The following FHOD3 variants were observed in gnomAD, a reference collection of about 807,000 sequenced individuals.
FHOD3 encodes FH1/FH2 domain-containing protein 3.
FHOD3 carries 90 observed loss-of-function variants against 173.0 expected under a neutral mutation model. That is an observed-to-expected ratio of 0.52 (90% CI 0.44 to 0.62). FHOD3 has a LOEUF of 0.62. Ranked by LOEUF, FHOD3 falls within the 20% of genes least tolerant of loss-of-function variation. The probability of loss-of-function intolerance (pLI) is 0.00; values close to 1 mark genes in which losing one functional copy is unlikely to be tolerated. For synonymous variants in FHOD3, 828 were observed against 823.0 expected, an observed-to-expected ratio of 1.01 and a Z score of -0.10; for missense variants, 1,945 against 2,034.7, an observed-to-expected ratio of 0.96 and a Z score of 0.85.
chr18:36,368,607 T>C (rs1190718786), intron 2 of FHOD3, among the ~76,000 whole-genome samples: 1 of 152,092 alleles, frequency 6.6e-6, no homozygotes, highest in Non-Finnish European at 1.5e-5. Context: ...AATAATGTTA[T>C]CTACCTGTAT....
chr18:36,515,597 C>T (rs1025825260), intron 5 of FHOD3, among the ~76,000 whole-genome samples: 2 of 152,186 alleles, frequency 1.3e-5, no homozygotes, highest in African/African-American at 4.8e-5. Flanking sequence ...TCTCAGAACA[C>T]TCATGACCAG....
chr18:36,472,448 G>A (rs2053336115), intron 3 of FHOD3, among the ~76,000 whole-genome samples: 1 of 152,278 alleles, frequency 6.6e-6, no homozygotes, highest in South Asian at 2.1e-4. Flanking sequence ...TTTAAAGTGT[G>A]CAATTCAGTG....
At chr18:36,676,645 G>C (rs1221950299) in intron 14 of FHOD3, among the ~76,000 whole-genome samples, 1 of 152,174 alleles carries the variant, frequency 6.6e-6, no homozygotes, top group Non-Finnish European at 1.5e-5. Flanking sequence ...TCTAGAAGCA[G>C]TGTATGAGTT....
chr18:36,342,017 A>G (rs1211872049), intron 1 of FHOD3, among the ~76,000 whole-genome samples: 1 of 152,244 alleles, frequency 6.6e-6, no homozygotes, highest in Non-Finnish European at 1.5e-5. Context: ...GAATTTTAAC[A>G]AAACAAAATA....
chr18:36,303,112 T>A (rs1201822890), intron 1 of FHOD3, among the ~76,000 whole-genome samples: 1 of 152,216 alleles, frequency 6.6e-6, no homozygotes, highest in East Asian at 1.9e-4. Context: ...GAGGCTGCAC[T>A]GTAGGTCTCC....
rs944006955 is a variant in FHOD3 at position 36,778,964 on chromosome 18, T to C, written c.4787-484T>C. 5.2e-5 allele frequency: 8 copies of C among 155,034 alleles called. 1 individual carries two copies. The highest frequency in any genetic ancestry group is 1.4e-4 in the African/African-American group (6 of 41,626). 9.6% of individuals were successfully genotyped at this position (155,034 alleles called of 1,614,324 possible). A position where few individuals can be genotyped will look rare whatever the true frequency, so the allele number is the denominator to read the frequency against. On this transcript the variant is annotated intron_variant, in intron 28 of 28. Coordinates refer to ENST00000590592, the MANE Select transcript of FHOD3 (RefSeq NM_001281740.3). ...GTCGTCTGTTGGATTTGTGAGGTTG[T>C]TGGGTCTTGTGGAACCCCTCGCTGT...
intron 27 of FHOD3, 25 bp from the exon 28 acceptor site, chr18:36,769,240 T>G: frequency 6.2e-7 from 1 of 1,612,398 alleles, no homozygotes; most frequent in East Asian, 2.2e-5. Flanking sequence ...GAGTATGTTG[T>G]GCACTCTGGC....
intron 10 of FHOD3, among the ~76,000 whole-genome samples, chr18:36,626,424 T>C (rs2034113309): frequency 1.3e-5 from 2 of 152,156 alleles, no homozygotes; most frequent in African/African-American, 4.8e-5. Flanking sequence ...TGAGATATTA[T>C]ATGTATTTAA....
At chr18:36,692,366 TGTTA>T (rs2039018990) in intron 16 of FHOD3, among the ~76,000 whole-genome samples, 1 of 152,178 alleles carries the variant, frequency 6.6e-6, no homozygotes, top group Non-Finnish European at 1.5e-5. Flanking sequence ...GTAAGAAACC[TGTTA>T]CAGCTGAATG....
At chr18:36,418,100 C>A (rs1394341343) in intron 3 of FHOD3, among the ~76,000 whole-genome samples, 1 of 152,210 alleles carries the variant, frequency 6.6e-6, no homozygotes, top group African/African-American at 2.4e-5. Flanking sequence ...TGACACTTGT[C>A]AGTTCTCACT....
At chr18:36,574,376 A>G (rs1290869530) in intron 5 of FHOD3, among the ~76,000 whole-genome samples, 1 of 152,154 alleles carries the variant, frequency 6.6e-6, no homozygotes, top group Admixed American at 6.5e-5. Context: ...AAAATTTTGC[A>G]TGCTATTATA....
At chr18:36,653,923 A>C (rs1313861887) in intron 13 of FHOD3, among the ~76,000 whole-genome samples, 5 of 152,170 alleles carry the variant, frequency 3.3e-5, no homozygotes, top group Admixed American at 3.3e-4. Context: ...CATTTACTAC[A>C]CTGAGGAAAC....
intron 3 of FHOD3, among the ~76,000 whole-genome samples, chr18:36,465,523 C>T (rs1012921344): frequency 6.6e-6 from 1 of 152,120 alleles, no homozygotes; most frequent in African/African-American, 2.4e-5. Context: ...GCTGCCCACC[C>T]GCCCTTGTGG....
chr18:36,638,816 C>T (rs1243869113), intron 10 of FHOD3, among the ~76,000 whole-genome samples: 1 of 152,194 alleles, frequency 6.6e-6, no homozygotes, highest in East Asian at 1.9e-4. Context: ...CAGTCACCCC[C>T]ATTGCTGGAC....
intron 2 of FHOD3, among the ~76,000 whole-genome samples, chr18:36,357,212 A>G (rs1387836050): frequency 1.3e-5 from 2 of 152,208 alleles, no homozygotes; most frequent in African/African-American, 4.8e-5. Flanking sequence ...GTATGTACTG[A>G]TGGCTTCCTG....
chr18:36,380,419 C>T (rs541276459), intron 3 of FHOD3, among the ~76,000 whole-genome samples: 3 of 151,906 alleles, frequency 2.0e-5, no homozygotes, highest in African/African-American at 7.2e-5. Context: ...CTGGTCAATA[C>T]TTCGGTCATC....
chr18:36,506,835 T>C (rs2055328932), intron 4 of FHOD3, among the ~76,000 whole-genome samples: 1 of 152,208 alleles, frequency 6.6e-6, no homozygotes, highest in Admixed American at 6.5e-5. Context: ...CGCTTGTTAA[T>C]GAGGCAGATG....
chr18:36,506,408 CT>C (rs2146173352), intron 4 of FHOD3, among the ~76,000 whole-genome samples: 1 of 152,334 alleles, frequency 6.6e-6, no homozygotes, highest in South Asian at 2.1e-4. Flanking sequence ...GGCACAACCC[CT>C]AACCTCTGAA....
intron 5 of FHOD3, among the ~76,000 whole-genome samples, chr18:36,526,651 C>T (rs1439893819): frequency 6.6e-6 from 1 of 152,202 alleles, no homozygotes; most frequent in Non-Finnish European, 1.5e-5. Context: ...AATCCACCTG[C>T]CTCAGCCTCC....
Sources: allele counts gnomAD v4.1 joint callset (sites outside exome capture counted in the v4.1 genomes callset), GRCh38; gene constraint gnomAD v4.1.1; transcripts MANE v1.5; gene names NCBI Gene and HGNC (gene_info 2026-07-23, HGNC 2026-07-21).